The following ASTN2 variants were observed in gnomAD, a reference collection of about 807,000 sequenced individuals.
ASTN2 encodes the protein astrotactin-2.
In ASTN2, 54 loss-of-function variants were observed where a neutral mutation model predicts 139.8. That is an observed-to-expected ratio of 0.39 (90% CI 0.31 to 0.48). The LOEUF (loss-of-function observed/expected upper bound fraction) is 0.48, where lower values mean the gene tolerates loss of function less well. Ranked by LOEUF, ASTN2 falls within the 20% of genes least tolerant of loss-of-function variation. ASTN2 has a pLI of 0.95. For missense variants in ASTN2, 1,565 were observed against 1,725.1 expected (o/e 0.91, Z 1.64); for synonymous variants, 756 against 719.5 (o/e 1.05, Z -0.81).
intron 16 of ASTN2, among the ~76,000 whole-genome samples, chr9:116,716,265 A>G (rs1023671422): frequency 6.6e-6 from 1 of 152,154 alleles, no homozygotes; most frequent in Non-Finnish European, 1.5e-5. Flanking sequence ...GATGGTCTCC[A>G]GTGCTTTAGG....
Position 117,414,457 on chromosome 9 carries a change from G to C in ASTN2, c.442+40C>G. On this transcript the variant is annotated intron_variant, in intron 1 of 22. Transcript: ENST00000313400. This position sits in a 1 kb window ranked among gnomAD's most constrained non-coding sequence, Gnocchi z 4.2. ...CGTCCGGCATGACGCAGGGGCTCGG[G>C]GTTCCTTGGGATCTAGCGCGTGCCG... 2 of 1,601,946 alleles carry C rather than the reference G, an allele frequency of 1.2e-6. No homozygotes were observed. Among genetic ancestry groups the C allele is most frequent in the Non-Finnish European group, 1.7e-6 (2 of 1,174,626 alleles).
rs902551454 is a variant in ASTN2, at chr9:116,424,722, C to T, written c.*1129G>A. On this transcript the variant is annotated 3_prime_UTR_variant, in exon 23 of 23. Coordinates refer to ENST00000313400, the MANE Select transcript of ASTN2 (RefSeq NM_001365068.1). ...CCTCCCAAGTAGCTGGGATTGATTA[C>T]AGGCACGTGCCACCATGCCCTGCTA... 6.6e-6 allele frequency among the ~76,000 whole-genome samples: 1 copy of T among 151,892 alleles called. No homozygotes were observed. The highest frequency in any genetic ancestry group is 6.6e-5 in the Admixed American group (1 of 15,238).
intron 19 of ASTN2, among the ~76,000 whole-genome samples, chr9:116,539,644 TA>T (rs1486676143): frequency 2.6e-5 from 4 of 152,142 alleles, no homozygotes; most frequent in Admixed American, 2.6e-4. Context: ...CTATATATAC[TA>T]TGGTTTTCAA....
chr9:116,629,412 C>A (rs1588110638), intron 17 of ASTN2, among the ~76,000 whole-genome samples: 1 of 152,120 alleles, frequency 6.6e-6, no homozygotes, highest in Non-Finnish European at 1.5e-5. Context: ...CCACCGCGCC[C>A]GGCCTGTTTC....
intron 2 of ASTN2, among the ~76,000 whole-genome samples, chr9:117,234,637 G>A (rs905825452): frequency 6.6e-5 from 10 of 152,196 alleles, no homozygotes; most frequent in South Asian, 2.1e-4. Context: ...TAAAAGAGGC[G>A]CTGCTCCAGT....
At chr9:117,368,350 C>A (rs1398064536) in intron 1 of ASTN2, among the ~76,000 whole-genome samples, 1 of 151,854 alleles carries the variant, frequency 6.6e-6, no homozygotes, top group Non-Finnish European at 1.5e-5. Context: ...AGAAGTTATC[C>A]ATTGGAACAA....
At chr9:117,396,812 C>A (rs143498583) in intron 1 of ASTN2, among the ~76,000 whole-genome samples, 1 of 152,032 alleles carries the variant, frequency 6.6e-6, no homozygotes, top group African/African-American at 2.4e-5. Flanking sequence ...GTGATCTGCC[C>A]GTCTTGGTCT....
At chr9:117,248,002 A>G (rs562940102) in intron 2 of ASTN2, among the ~76,000 whole-genome samples, 1 of 152,298 alleles carries the variant, frequency 6.6e-6, no homozygotes, top group East Asian at 1.9e-4. Flanking sequence ...AGCCTCCAAC[A>G]GACAATGAAA....
At chr9:116,599,739 T>A (rs568117154) in intron 19 of ASTN2, among the ~76,000 whole-genome samples, 6 of 152,250 alleles carry the variant, frequency 3.9e-5, no homozygotes, top group African/African-American at 1.4e-4. Flanking sequence ...CAAAATGAAG[T>A]AATTAACCTA....
chr9:117,217,374 T>A (rs1158361851), intron 2 of ASTN2, among the ~76,000 whole-genome samples: 1 of 152,118 alleles, frequency 6.6e-6, no homozygotes, highest in African/African-American at 2.4e-5. Context: ...CCACTCAGTA[T>A]ATCCCGATTA....
At chr9:116,686,583 C>T in intron 16 of ASTN2, 2 of 1,099,102 alleles carry the variant, frequency 1.8e-6, no homozygotes, top group Non-Finnish European at 2.7e-6. Context: ...TCGTCCTTGC[C>T]AGATGCCTAG....
At chr9:117,051,611 G>C (rs754538021) in intron 5 of ASTN2, among the ~76,000 whole-genome samples, 1 of 152,070 alleles carries the variant, frequency 6.6e-6, no homozygotes, top group African/African-American at 2.4e-5. Context: ...GTACCCCTTT[G>C]GTTCTAAAAA....
intron 3 of ASTN2, among the ~76,000 whole-genome samples, chr9:117,168,468 C>T (rs915724249): frequency 6.6e-6 from 1 of 151,998 alleles, no homozygotes; most frequent in Admixed American, 6.6e-5. Context: ...AAAGCCAGAG[C>T]GTTGATGAAG....
chr9:117,279,292 T>C (rs1834269378), intron 2 of ASTN2, among the ~76,000 whole-genome samples: 1 of 152,228 alleles, frequency 6.6e-6, no homozygotes, highest in East Asian at 1.9e-4. Flanking sequence ...TAGAAATATA[T>C]GTTTAATTCT....
At chr9:116,625,531 C>T (rs1417241025) in intron 17 of ASTN2, among the ~76,000 whole-genome samples, 1 of 152,158 alleles carries the variant, frequency 6.6e-6, no homozygotes, top group Non-Finnish European at 1.5e-5. Flanking sequence ...CTAGTCTCCC[C>T]ACTCTCATGT....
At chr9:116,569,245 A>G (rs750644899) in intron 19 of ASTN2, among the ~76,000 whole-genome samples, 3 of 152,250 alleles carry the variant, frequency 2.0e-5, no homozygotes, top group Non-Finnish European at 2.9e-5. Context: ...ACCCATGGCA[A>G]GCCACTGCAA....
rs1389595513 is a variant in ASTN2, at chr9:116,685,720, A to C, written c.2807-33927T>G. Among the ~76,000 whole-genome samples the C allele has an allele frequency of 2.6e-5, 4 of 152,306 alleles. 1 individual carries two copies. The highest frequency in any genetic ancestry group is 4.1e-4 in the South Asian group (2 of 4,822). The stretch of plus-strand genomic sequence containing the variant: ...TTGTGAGAGGTATAATAATTCATTT[A>C]ACTGGTAATAAACATTAAAGAAGAG... On this transcript the variant is annotated intron_variant, in intron 16 of 22. Coordinates refer to ENST00000313400, the MANE Select transcript of ASTN2 (RefSeq NM_001365068.1).
At chr9:117,006,503 T>G (rs1368565192) in intron 7 of ASTN2, among the ~76,000 whole-genome samples, 1 of 152,172 alleles carries the variant, frequency 6.6e-6, no homozygotes, top group African/African-American at 2.4e-5. Flanking sequence ...CTGTTCACCA[T>G]CTTCTTCTCT....
At chr9:117,209,654 GA>G (rs916680205) in intron 3 of ASTN2, among the ~76,000 whole-genome samples, 3 of 152,046 alleles carry the variant, frequency 2.0e-5, no homozygotes, top group Non-Finnish European at 4.4e-5. Context: ...CATCTAGACA[GA>G]AAGTCAACAA....
Sources: allele counts gnomAD v4.1 joint callset (sites outside exome capture counted in the v4.1 genomes callset), GRCh38; gene constraint gnomAD v4.1.1; non-coding constraint Gnocchi (gnomAD v3.1); transcripts MANE v1.5; gene names NCBI Gene and HGNC (gene_info 2026-07-23, HGNC 2026-07-21).